NUCKS1: variants seen among roughly 807,000 people sequenced by gnomAD.
The protein encoded by NUCKS1 is nuclear ubiquitous casein and cyclin-dependent kinase substrate 1.
NUCKS1 carries 2 observed loss-of-function variants against 33.0 expected under a neutral mutation model. The ratio of observed to expected loss-of-function variants is 0.06; its 90% CI spans 0.02 to 0.19. The LOEUF is 0.19. Ranked by LOEUF, NUCKS1 falls within the 10% of genes least tolerant of loss-of-function variation. The probability of loss-of-function intolerance (pLI) is 1.00; values close to 1 mark genes in which losing one functional copy is unlikely to be tolerated. For missense variants in NUCKS1, 201 were observed against 293.6 expected, an observed-to-expected ratio of 0.68 and a Z score of 2.31; for synonymous variants, 106 against 102.8, an observed-to-expected ratio of 1.03 and a Z score of -0.19.
chr1:205,717,300 T>C lies in NUCKS1; in HGVS notation c.*980A>G. The C allele has an allele frequency of 2.0e-6, 2 of 987,078 alleles. No homozygotes were observed. Among genetic ancestry groups the C allele is most frequent in the Non-Finnish European group, 2.4e-6 (2 of 829,684 alleles). 61.1% of individuals were successfully genotyped at this position (987,078 alleles called of 1,614,324 possible). On this transcript the variant is annotated 3_prime_UTR_variant, in exon 7 of 7. Transcript: ENST00000367142. Reference sequence around the variant, plus strand: ...AACTCTTTGTGACTGAGTTTCACATTAACTGGAACTTTATTTGCTTAAAAC... The same window carrying C: ...AACTCTTTGTGACTGAGTTTCACATCAACTGGAACTTTATTTGCTTAAAAC...
At chr1:205,744,248 GT>G (rs1368945893) in intron 1 of NUCKS1, among the ~76,000 whole-genome samples, 1 of 152,214 alleles carries the variant, frequency 6.6e-6, no homozygotes, top group Admixed American at 6.5e-5. Flanking sequence ...GTTGTTCACA[GT>G]GGGATACAAA....
chr1:205,723,654 ATAC>A (rs1210786160), intron 4 of NUCKS1, among the ~76,000 whole-genome samples: 1 of 152,196 alleles, frequency 6.6e-6, no homozygotes, highest in Non-Finnish European at 1.5e-5. Flanking sequence ...TAATGTATAG[ATAC>A]TTAAAGAAAA....
chr1:205,748,938 C>A (rs1219835925), intron 1 of NUCKS1, among the ~76,000 whole-genome samples: 2 of 152,218 alleles, frequency 1.3e-5, no homozygotes, highest in Non-Finnish European at 1.5e-5. Context: ...CCACACCCCT[C>A]CATAAATGGC....
chr1:205,738,345 C>G (rs1055464305), intron 1 of NUCKS1, among the ~76,000 whole-genome samples: 1 of 151,912 alleles, frequency 6.6e-6, no homozygotes, highest in Non-Finnish European at 1.5e-5. Context: ...TTTTAAAAGA[C>G]AGGTTTTTAC....
At chr1:205,730,534 G>A (rs576763094) in intron 1 of NUCKS1, among the ~76,000 whole-genome samples, 13 of 151,212 alleles carry the variant, frequency 8.6e-5, no homozygotes, top group Non-Finnish European at 1.9e-4. Context: ...TGTCGCCCAG[G>A]CTAGAGTGCA....
At chr1:205,720,044 G>T (rs906223252) in intron 5 of NUCKS1, among the ~76,000 whole-genome samples, 1 of 152,108 alleles carries the variant, frequency 6.6e-6, no homozygotes, top group Admixed American at 6.5e-5. Context: ...GGCCTTTTTG[G>T]TCCAATTATG....
Position 205,719,644 on chromosome 1 carries a change from C to G in NUCKS1, c.415G>C (p.Glu139Gln), listed in dbSNP as rs1215828959. 6.2e-7 allele frequency: 1 copy of G among 1,612,070 alleles called. No homozygotes were observed. The highest frequency in any genetic ancestry group is 8.5e-7 in the Non-Finnish European group (1 of 1,179,472). Reference protein sequence around the residue: ...DSGSDEDFLMEDDDDSDYGSS... With the variant: ...DSGSDEDFLMQDDDDSDYGSS... ...CCATAGTCACTATCGTCATCATCTTCCATTAGGAAATCTTCATCGCTGCCG... is the reference window on the plus strand; with the variant it reads ...CCATAGTCACTATCGTCATCATCTTGCATTAGGAAATCTTCATCGCTGCCG... Residue 139 changes from glutamate to glutamine, a missense_variant, in exon 6 of 7, where the codon GAA becomes CAA. By Grantham distance (29) the Glu-to-Gln change is conservative. Coordinates refer to ENST00000367142, the MANE Select transcript of NUCKS1 (RefSeq NM_022731.5).
chr1:205,749,345 A>G (rs1328856609), intron 1 of NUCKS1, among the ~76,000 whole-genome samples: 2 of 152,166 alleles, frequency 1.3e-5, no homozygotes, highest in African/African-American at 4.8e-5. Context: ...GGGGAAAAAA[A>G]CGGGTCCCGC....
intron 3 of NUCKS1, among the ~76,000 whole-genome samples, chr1:205,725,366 T>C (rs1236690430): frequency 6.6e-6 from 1 of 152,238 alleles, no homozygotes; most frequent in Non-Finnish European, 1.5e-5. Flanking sequence ...ACTTTTGGTA[T>C]TCTCCATAAT....
intron 3 of NUCKS1, among the ~76,000 whole-genome samples, chr1:205,725,845 T>G (rs1653757263): frequency 6.6e-6 from 1 of 152,212 alleles, no homozygotes; most frequent in South Asian, 2.1e-4. Context: ...ACAAAGCAGG[T>G]CTTTCCTAGG....
intron 1 of NUCKS1, among the ~76,000 whole-genome samples, chr1:205,744,629 A>ATTTTTTTTTT (rs1558056731): frequency 5.4e-5 from 1 of 18,420 alleles, no homozygotes; most frequent in African/African-American, 2.4e-4. Context: ...AGTTCACTAG[A>ATTTTTTTTTT]GTTTTTTTTT....
chr1:205,723,837 G>A, intron 4 of NUCKS1, 89 bp downstream of exon 4: 2 of 920,106 alleles, frequency 2.2e-6, no homozygotes, highest in Non-Finnish European at 3.4e-6. Flanking sequence ...ATTTGCAACA[G>A]TGCCTGGCAT....
At chr1:205,733,109 T>C (rs1221671070) in intron 1 of NUCKS1, among the ~76,000 whole-genome samples, 1 of 152,178 alleles carries the variant, frequency 6.6e-6, no homozygotes, top group Non-Finnish European at 1.5e-5. Flanking sequence ...TCCGAACTTG[T>C]AGGTATAATT....
At chr1:205,742,115 T>C (rs571744720) in intron 1 of NUCKS1, among the ~76,000 whole-genome samples, 5 of 152,322 alleles carry the variant, frequency 3.3e-5, no homozygotes, top group African/African-American at 1.2e-4. Flanking sequence ...GCACCGACTT[T>C]TACTCTTTCA....
At chr1:205,726,249 G>T (rs1653772682) in intron 3 of NUCKS1, among the ~76,000 whole-genome samples, 1 of 152,134 alleles carries the variant, frequency 6.6e-6, no homozygotes, top group Non-Finnish European at 1.5e-5. Context: ...AGGCATGGTG[G>T]CTCACACTGT....
At chr1:205,723,550 CT>C (rs1260492547) in intron 4 of NUCKS1, among the ~76,000 whole-genome samples, 1 of 152,030 alleles carries the variant, frequency 6.6e-6, no homozygotes, top group African/African-American at 2.4e-5. Flanking sequence ...TTTTATGCCC[CT>C]ATTTTACCAA....
intron 1 of NUCKS1, among the ~76,000 whole-genome samples, chr1:205,736,572 C>T (rs1285433996): frequency 6.6e-6 from 1 of 152,006 alleles, no homozygotes; most frequent in African/African-American, 2.4e-5. Context: ...CCCCTGTAAT[C>T]CCAGCACTTT....
At chr1:205,740,221 C>A (rs907226034) in intron 1 of NUCKS1, among the ~76,000 whole-genome samples, 1 of 149,164 alleles carries the variant, frequency 6.7e-6, no homozygotes, top group African/African-American at 2.5e-5. Flanking sequence ...GCCAGGCTGC[C>A]CTCAAACTCC....
intron 1 of NUCKS1, among the ~76,000 whole-genome samples, chr1:205,735,363 G>A (rs1654010180): frequency 6.6e-6 from 1 of 152,102 alleles, no homozygotes; most frequent in Non-Finnish European, 1.5e-5. Flanking sequence ...GCCTAGGTGT[G>A]CAGGAGACTA....
Sources: gnomAD v4.1 joint callset for allele counts (sites outside exome capture counted in the v4.1 genomes callset) on GRCh38, gnomAD v4.1.1 for gene constraint, MANE v1.5 for transcripts, NCBI Gene and HGNC (gene_info 2026-07-23, HGNC 2026-07-21) for gene names.